TACR3: variants seen among roughly 807,000 people sequenced by gnomAD.
TACR3 encodes the protein tachykinin receptor 3.
In TACR3, 34 loss-of-function variants were observed where a neutral mutation model predicts 35.0. The observed-to-expected ratio is 0.97, with a 90% CI of 0.74 to 1.30. The LOEUF (loss-of-function observed/expected upper bound fraction) is 1.30. Ranked by LOEUF, TACR3 falls within the 50% of genes most tolerant of loss-of-function variation. The probability of loss-of-function intolerance (pLI) is 0.00; values close to 1 mark genes in which losing one functional copy is unlikely to be tolerated. For synonymous variants in TACR3, 233 were observed against 221.1 expected (o/e 1.05, Z -0.48); for missense variants, 558 against 591.7 (o/e 0.94, Z 0.59).
chr4:103,592,188 G>A (rs552131520), intron 3 of TACR3, among the ~76,000 whole-genome samples: 4 of 152,246 alleles, frequency 2.6e-5, no homozygotes, highest in South Asian at 2.1e-4. Flanking sequence ...TGCTCACTAC[G>A]TAACCTTATG....
intron 3 of TACR3, among the ~76,000 whole-genome samples, chr4:103,621,312 C>G (rs1283837863): frequency 6.6e-6 from 1 of 152,134 alleles, no homozygotes; most frequent in Non-Finnish European, 1.5e-5. Context: ...GTACCATGTA[C>G]TACAAGGTAT....
chr4:103,657,977 C>CT (rs1487791090), intron 2 of TACR3, among the ~76,000 whole-genome samples: 3 of 152,152 alleles, frequency 2.0e-5, no homozygotes, highest in Non-Finnish European at 4.4e-5. Flanking sequence ...TCAGGAAACT[C>CT]TCCAGTGCCA....
rs921506430 is a variant in TACR3, at chr4:103,608,302, C to T, written c.889-16619G>A. 7.9e-5 allele frequency among the ~76,000 whole-genome samples: 12 copies of T among 152,034 alleles called. 1 individual carries two copies. Among genetic ancestry groups the T allele is most frequent in the Non-Finnish European group, 1.5e-4 (10 of 67,928 alleles). Reference sequence around the variant, plus strand: ...GCCATAATCCTCAATGAATTAAAACCGAAATAGAAAACGAGATACCACTTG... The same window carrying T: ...GCCATAATCCTCAATGAATTAAAACTGAAATAGAAAACGAGATACCACTTG... On this transcript the variant is annotated intron_variant, in intron 3 of 4. Transcript: ENST00000304883.
intron 4 of TACR3, among the ~76,000 whole-genome samples, chr4:103,590,640 G>T (rs1723873262): frequency 6.6e-6 from 1 of 151,858 alleles, no homozygotes; most frequent in Non-Finnish European, 1.5e-5. Context: ...TTAAGGCACA[G>T]TGTGGTAGAA....
chr4:103,665,895 A>C (rs1447830518), intron 1 of TACR3, among the ~76,000 whole-genome samples: 13 of 152,206 alleles, frequency 8.5e-5, no homozygotes, highest in African/African-American at 2.4e-5. Flanking sequence ...TCAGATTTCA[A>C]AATTATATTG....
chr4:103,631,051 A>G (rs1027880068), intron 3 of TACR3, among the ~76,000 whole-genome samples: 3 of 152,170 alleles, frequency 2.0e-5, no homozygotes, highest in Non-Finnish European at 2.9e-5. Context: ...GCTGGAAACC[A>G]TCATTCTCAG....
At chr4:103,706,780 T>C (rs1415415680) in intron 1 of TACR3, among the ~76,000 whole-genome samples, 1 of 152,126 alleles carries the variant, frequency 6.6e-6, no homozygotes, top group African/African-American at 2.4e-5. Flanking sequence ...TAAGAAAAAA[T>C]ATGTTTAAGT....
intron 3 of TACR3, among the ~76,000 whole-genome samples, chr4:103,617,402 T>A (rs994134139): frequency 6.6e-6 from 1 of 152,190 alleles, no homozygotes; most frequent in African/African-American, 2.4e-5. Flanking sequence ...TGATAAAAAG[T>A]ACTTGATAAT....
chr4:103,629,845 C>CAAAAAAAAA (rs1487546451), intron 3 of TACR3, among the ~76,000 whole-genome samples: 8 of 59,550 alleles, frequency 1.3e-4, no homozygotes, highest in African/African-American at 1.7e-4. Context: ...CAATCCTAAG[C>CAAAAAAAAA]AAAACAAAAA....
chr4:103,717,938 A>G (rs939931040), intron 1 of TACR3, among the ~76,000 whole-genome samples: 28 of 152,116 alleles, frequency 1.8e-4, no homozygotes, highest in African/African-American at 6.5e-4. Context: ...AAAAAGTGTG[A>G]TTTTGTGTTT....
intron 3 of TACR3, among the ~76,000 whole-genome samples, chr4:103,631,840 G>A (rs904543138): frequency 4.6e-5 from 7 of 152,146 alleles, no homozygotes; most frequent in Admixed American, 1.3e-4. Context: ...CACTGCTCTT[G>A]ATCAGTGTTC....
intron 1 of TACR3, among the ~76,000 whole-genome samples, chr4:103,699,622 T>TA (rs1722601036): frequency 6.6e-6 from 1 of 152,160 alleles, no homozygotes; most frequent in Non-Finnish European, 1.5e-5. Context: ...AAAATGATAT[T>TA]GGCTCGGACT....
intron 3 of TACR3, among the ~76,000 whole-genome samples, chr4:103,616,509 G>T (rs1724664955): frequency 6.6e-6 from 1 of 152,076 alleles, no homozygotes; most frequent in Non-Finnish European, 1.5e-5. Context: ...CCAAACTAGA[G>T]AAAAATCCTC....
chr4:103,679,645 C>A (rs530490345), intron 1 of TACR3, among the ~76,000 whole-genome samples: 1 of 151,830 alleles, frequency 6.6e-6, no homozygotes, highest in Non-Finnish European at 1.5e-5. Context: ...TAATTGAGCT[C>A]TACTTGTTTT....
chr4:103,605,833 A>G (rs1191676964), intron 3 of TACR3, among the ~76,000 whole-genome samples: 2 of 151,844 alleles, frequency 1.3e-5, no homozygotes, highest in Non-Finnish European at 2.9e-5. Flanking sequence ...GTTTAATTAG[A>G]TCCCATTTGT....
intron 1 of TACR3, among the ~76,000 whole-genome samples, chr4:103,673,005 C>T (rs1726085388): frequency 6.6e-6 from 1 of 152,136 alleles, no homozygotes; most frequent in African/African-American, 2.4e-5. Flanking sequence ...CTGCTGGCCA[C>T]AAGTTTTCTT....
chr4:103,676,044 GCA>G (rs1227457732), intron 1 of TACR3, among the ~76,000 whole-genome samples: 1 of 151,838 alleles, frequency 6.6e-6, no homozygotes, highest in East Asian at 1.9e-4. Context: ...CTAGTTTTTT[GCA>G]CACTCAGTGC....
At chr4:103,649,678 T>C (rs1725538866) in intron 3 of TACR3, among the ~76,000 whole-genome samples, 1 of 152,122 alleles carries the variant, frequency 6.6e-6, no homozygotes, top group African/African-American at 2.4e-5. Context: ...CCAGCAATTT[T>C]TCTTGATTCT....
At chr4:103,719,034 C>T in intron 1 of TACR3, 94 bp downstream of exon 1, 1 of 1,530,484 alleles carries the variant, frequency 6.5e-7, no homozygotes, top group Non-Finnish European at 8.9e-7. Flanking sequence ...TTTATAGACC[C>T]CGTTACGTTA....
Sources: gnomAD v4.1 joint callset for allele counts (sites outside exome capture counted in the v4.1 genomes callset) on GRCh38, gnomAD v4.1.1 for gene constraint, MANE v1.5 for transcripts, NCBI Gene and HGNC (gene_info 2026-07-23, HGNC 2026-07-21) for gene names.